The following E2F1 variants were observed in gnomAD, a reference collection of about 807,000 sequenced individuals.
E2F1 encodes the protein E2F transcription factor 1.
A neutral mutation model predicts 36.9 loss-of-function variants in E2F1; 7 were observed. The ratio of observed to expected loss-of-function variants is 0.19; its 90% CI spans 0.11 to 0.36. The LOEUF is 0.36. E2F1 is among the 10% of genes least tolerant of loss of function. The probability of loss-of-function intolerance (pLI) is 1.00; values close to 1 mark genes in which losing one functional copy is unlikely to be tolerated. For synonymous variants in E2F1, 261 were observed against 263.1 expected, an observed-to-expected ratio of 0.99 and a Z score of 0.08; for missense variants, 406 against 573.6, an observed-to-expected ratio of 0.71 and a Z score of 2.99.
chr20:33,686,317 C>G lies in E2F1; in HGVS notation c.-53G>C, dbSNP rs1205398563. The stretch of plus-strand genomic sequence containing the variant: ...GACAGGCGGCGGCGGCGGCGCGGGC[C>G]CATGGCGGCAGGCCTCGGCGAGGGC... On this transcript the variant is annotated 5_prime_UTR_variant, in exon 1 of 7. Transcript: ENST00000343380. The G allele has an allele frequency of 5.0e-6, 5 of 995,086 alleles. No individual in the cohort carries two copies. The highest frequency in any genetic ancestry group is 6.0e-6 in the Non-Finnish European group (5 of 837,098). 61.6% of individuals were successfully genotyped at this position (995,086 alleles called of 1,614,324 possible).
At chr20:33,680,891 A>G (rs1827830649) in intron 1 of E2F1, among the ~76,000 whole-genome samples, 1 of 152,188 alleles carries the variant, frequency 6.6e-6, no homozygotes, top group South Asian at 2.1e-4. Context: ...GCCTCCTCCC[A>G]ACAGCAACAC....
At position 33,676,263 on chromosome 20, in the gene E2F1, T is replaced by A. The variant is rs2017952701; in HGVS notation, c.*469A>T. On this transcript the variant is annotated 3_prime_UTR_variant, in exon 7 of 7. Transcript: ENST00000343380. ...CCCAGCCAGCCAAAGCCTCCCCACC[T>A]GGCCTGGTCAGAGCACCAGATTCTG... 6.4e-6 allele frequency: 1 copy of A among 156,906 alleles called. No individual in the cohort carries two copies. 9.7% of individuals were successfully genotyped at this position (156,906 alleles called of 1,614,324 possible).
intron 1 of E2F1, among the ~76,000 whole-genome samples, chr20:33,685,139 C>T (rs555953052): frequency 7.2e-5 from 11 of 152,204 alleles, no homozygotes; most frequent in Non-Finnish European, 1.6e-4. Context: ...GACATTTTCT[C>T]TCCTGGCACT....
chr20:33,682,463 C>T (rs577751320), intron 1 of E2F1, among the ~76,000 whole-genome samples: 8 of 152,284 alleles, frequency 5.3e-5, no homozygotes, highest in South Asian at 2.1e-4. Context: ...CACTCATACC[C>T]GCCACGTGCC....
In E2F1 at chr20:33,679,838, C is replaced by T. The variant is rs2018002225; in HGVS notation, c.489G>A (p.Gln163=). 3 of 1,614,248 alleles carry T rather than the reference C, an allele frequency of 1.9e-6. No homozygotes were observed. The East Asian group carries it at 6.7e-5, about 36-fold the overall frequency. ...LNWAAEVLKV[Q]KRRIYDITNV... ...TGGTGATGTCATAGATGCGCCGCTT[C>T]TGCACCTTCAGCACCTCGGCAGCCC... Residue 163 remains glutamine (Q), a synonymous_variant, in exon 3 of 7, where the codon CAG becomes CAA. Transcript: ENST00000343380. The surrounding 1 kb of genome is among the most constrained non-coding windows in gnomAD (Gnocchi z 4.6).
intron 1 of E2F1, among the ~76,000 whole-genome samples, chr20:33,682,790 C>T (rs1287940134): frequency 6.6e-6 from 1 of 152,218 alleles, no homozygotes; most frequent in Non-Finnish European, 1.5e-5. Context: ...TGTTTAGCCC[C>T]TTGAACACCA....
chr20:33,676,831 G>A lies in E2F1; in HGVS notation c.1215C>T (p.Pro405=). The A allele has an allele frequency of 6.3e-7, 1 of 1,596,032 alleles. No individual in the cohort carries two copies. The highest frequency in any genetic ancestry group is 8.5e-7 in the Non-Finnish European group (1 of 1,170,544). ...CGAAGTGGTAGTCGAGGGCCTCGTG[G>A]GGTGGGGAAAGGCTGATGAACTCCT... ...LPEEFISLSP[P]HEALDYHFGL... Residue 405 remains proline (P), a synonymous_variant, in exon 7 of 7, where the codon CCC becomes CCT. Transcript: ENST00000343380.
At chr20:33,685,056 C>A (rs1227097590) in intron 1 of E2F1, among the ~76,000 whole-genome samples, 1 of 152,208 alleles carries the variant, frequency 6.6e-6, no homozygotes, top group Non-Finnish European at 1.5e-5. Context: ...TCAGCCGCCT[C>A]TTCTGGGCCC....
chr20:33,676,819 G>A lies in E2F1; in HGVS notation c.1227C>T (p.Leu409=), dbSNP rs766526488. Residue 409 remains leucine (L), a synonymous_variant, in exon 7 of 7, where the codon CTC becomes CTT. Transcript: ENST00000343380. ...CCTCCTCGAGGCCGAAGTGGTAGTC[G>A]AGGGCCTCGTGGGGTGGGGAAAGGC... ...FISLSPPHEA[L]DYHFGLEEGE... 1.3e-5 allele frequency: 20 copies of A among 1,598,406 alleles called. No individual in the cohort carries two copies. The Admixed American group carries it at 2.9e-4, about 23-fold the overall frequency.
chr20:33,684,773 TCCTCAGGATG>T (rs758060823), intron 1 of E2F1, among the ~76,000 whole-genome samples: 1 of 152,126 alleles, frequency 6.6e-6, no homozygotes, highest in Non-Finnish European at 1.5e-5. Flanking sequence ...TGGGGGAGCC[TCCTCAGGATG>T]CCTCAGGGAC....
rs2018067277 is a variant in E2F1 at position 33,686,141 on chromosome 20, C to A, written c.124G>T (p.Ala42Ser). Residue 42 changes from alanine to serine, a missense_variant, in exon 1 of 7, where the codon GCC (alanine) becomes TCC (serine). Physicochemically the swap from Ala to Ser is moderately conservative, Grantham distance 99. Transcript: ENST00000343380. ...QIVIISAAQD[A>S]SAPPAPTGPA... is the part of the protein sequence containing the mutation. ...CCGGTGGGAGCCGGCGGGGCGCTGG[C>A]GTCCTGCGCGGCGGAGATGATGACG... is the stretch of plus-strand genomic sequence containing the variant. 7.6e-6 allele frequency: 8 copies of A among 1,058,370 alleles called. No individual in the cohort carries two copies. Among genetic ancestry groups the A allele is most frequent in the Non-Finnish European group, 9.1e-6 (8 of 878,980 alleles). The allele number at this position is 1,058,370 out of a possible 1,614,324, so 65.6% of individuals were successfully genotyped here.
intron 1 of E2F1, among the ~76,000 whole-genome samples, chr20:33,685,546 A>G (rs1568911306): frequency 6.6e-6 from 1 of 152,090 alleles, no homozygotes; most frequent in African/African-American, 2.4e-5. Context: ...GCCTCAGTTC[A>G]AATCCCAGCC....
chr20:33,684,545 C>T (rs984410165), intron 1 of E2F1, among the ~76,000 whole-genome samples: 2 of 152,218 alleles, frequency 1.3e-5, no homozygotes, highest in East Asian at 3.9e-4. Flanking sequence ...CACTCAAGAG[C>T]AGAATGACAT....
At chr20:33,683,308 G>C (rs1019382661) in intron 1 of E2F1, among the ~76,000 whole-genome samples, 1 of 151,986 alleles carries the variant, frequency 6.6e-6, no homozygotes, top group Non-Finnish European at 1.5e-5. Flanking sequence ...AAAATTAGCC[G>C]GGTATGGTGG....
At chr20:33,685,860 C>G in intron 1 of E2F1, 144 bp downstream of exon 1, 1 of 819,992 alleles carries the variant, frequency 1.2e-6, no homozygotes, top group Non-Finnish European at 1.5e-6. Context: ...GGAGGCCCAA[C>G]CCCGGCTCTG....
At chr20:33,682,464 G>A (rs1049152884) in intron 1 of E2F1, among the ~76,000 whole-genome samples, 2 of 152,072 alleles carry the variant, frequency 1.3e-5, no homozygotes, top group African/African-American at 2.4e-5. Context: ...ACTCATACCC[G>A]CCACGTGCCC....
chr20:33,681,402 A>G lies in E2F1; in HGVS notation c.262-986T>C, dbSNP rs895000957. On this transcript the variant is annotated intron_variant, in intron 1 of 6. Transcript: ENST00000343380. ...TCTCTCTGGTTTTTGACTAATCTAT[A>G]CGCATGGTAGCAGCTGGTGCTCATC... 3.9e-5 allele frequency among the ~76,000 whole-genome samples: 6 copies of G among 152,328 alleles called. No individual in the cohort carries two copies. In the South Asian group the frequency reaches 1.2e-3, roughly 32 times the overall value.
Position 33,686,092 on chromosome 20 carries a change from G to A in E2F1, c.173C>T (p.Pro58Leu), listed in dbSNP as rs1249387152. ...GAAGAGCAGCAGGTCAGGGTCGCAGGGGCCGGCGGCGGGCGCCGCGGGGCC... is the reference window on the plus strand; with the variant it reads ...GAAGAGCAGCAGGTCAGGGTCGCAGAGGCCGGCGGCGGGCGCCGCGGGGCC... ...PTGPAAPAAGPCDPDLLLFAT... is the reference protein window; with the variant it reads ...PTGPAAPAAGLCDPDLLLFAT... Residue 58 changes from proline (P) to leucine (L), a missense_variant, in exon 1 of 7, where the codon CCC becomes CTC. Transcript: ENST00000343380. 3 of 1,095,426 alleles carry A rather than the reference G, an allele frequency of 2.7e-6. No individual in the cohort carries two copies. Among genetic ancestry groups the A allele is most frequent in the East Asian group, 5.6e-5 (1 of 17,704 alleles). 67.9% of individuals were successfully genotyped at this position (1,095,426 alleles called of 1,614,324 possible). A position where few individuals can be genotyped will look rare whatever the true frequency, so the allele number is the denominator to read the frequency against.
At position 33,686,222 on chromosome 20, in the gene E2F1, C is replaced by CCGG. The variant is rs1366940729; in HGVS notation, c.40_42dup (p.Pro14dup). 4.9e-6 allele frequency: 5 copies of CCGG among 1,029,860 alleles called. No individual in the cohort carries two copies. The East Asian group carries it at 3.6e-4, about 74-fold the overall frequency. 63.8% of individuals were successfully genotyped at this position (1,029,860 alleles called of 1,614,324 possible). A position where few individuals can be genotyped will look rare whatever the true frequency, so the allele number is the denominator to read the frequency against. On this transcript the variant is annotated inframe_insertion, in exon 1 of 7. Coordinates refer to ENST00000343380, the MANE Select transcript of E2F1 (RefSeq NM_005225.3). ...CCGGCCCCGAGCAGGGCCTCCAGCG[C>CCGG]CGGCGCGCATGGGCCGCCCGCAGGG...
Sources: allele counts gnomAD v4.1 joint callset (sites outside exome capture counted in the v4.1 genomes callset), GRCh38; gene constraint gnomAD v4.1.1; non-coding constraint Gnocchi (gnomAD v3.1); transcripts MANE v1.5; gene names NCBI Gene and HGNC (gene_info 2026-07-23, HGNC 2026-07-21).